REEP1: variants seen among roughly 807,000 people sequenced by gnomAD.
REEP1 encodes receptor accessory protein 1.
Under a neutral mutation model 40.3 loss-of-function variants are expected in REEP1, and 22 were observed. The observed-to-expected ratio is 0.55, with a 90% CI of 0.39 to 0.78. The LOEUF (loss-of-function observed/expected upper bound fraction) is 0.78. Ranked by LOEUF, REEP1 falls within the 30% of genes least tolerant of loss-of-function variation. The probability of loss-of-function intolerance (pLI) is 0.00; values close to 1 mark genes in which losing one functional copy is unlikely to be tolerated. For synonymous variants in REEP1, 116 were observed against 139.2 expected (o/e 0.83, Z 1.17); for missense variants, 280 against 361.1 (o/e 0.78, Z 1.82).
intron 3 of REEP1, among the ~76,000 whole-genome samples, chr2:86,262,770 C>T (rs756435178): frequency 1.1e-4 from 16 of 152,200 alleles, no homozygotes; most frequent in Non-Finnish European, 1.8e-4. Flanking sequence ...CCCATGATCC[C>T]AAGTCGTAGA....
intron 2 of REEP1, among the ~76,000 whole-genome samples, chr2:86,278,404 CTT>C (rs1677883361): frequency 6.6e-6 from 1 of 152,176 alleles, no homozygotes; most frequent in Non-Finnish European, 1.5e-5. Context: ...GAGGAGAAGA[CTT>C]TGCCCAGGGA....
chr2:86,337,224 G>T lies in REEP1; in HGVS notation c.32+255C>A. 1 of 219,602 alleles carries T rather than the reference G, an allele frequency of 4.6e-6. No individual in the cohort carries two copies. The highest frequency in any genetic ancestry group is 8.9e-6 in the Non-Finnish European group (1 of 112,750). The allele number at this position is 219,602 out of a possible 1,614,324, so 13.6% of individuals were successfully genotyped here. Reference sequence around the variant, plus strand: ...CGCAGCCCCCACGGAACCCCCGAGCGCCCCAGCCCTCGCCGTCCCGGCCCA... The same window carrying T: ...CGCAGCCCCCACGGAACCCCCGAGCTCCCCAGCCCTCGCCGTCCCGGCCCA... On this transcript the variant is annotated intron_variant, in intron 1 of 8. Coordinates refer to ENST00000538924, the MANE Select transcript of REEP1 (RefSeq NM_001371279.1). This position sits in a 1 kb window ranked among gnomAD's most constrained non-coding sequence, Gnocchi z 5.8.
At chr2:86,244,754 GAGGGTTAACAA>G (rs901724009) in intron 5 of REEP1, among the ~76,000 whole-genome samples, 2 of 152,234 alleles carry the variant, frequency 1.3e-5, no homozygotes, top group Admixed American at 6.5e-5. Flanking sequence ...GAGAACCCTG[GAGGGTTAACAA>G]AGGGCTTGGG....
At chr2:86,264,591 C>T (rs900446910) in intron 2 of REEP1, among the ~76,000 whole-genome samples, 1 of 152,106 alleles carries the variant, frequency 6.6e-6, no homozygotes, top group African/African-American at 2.4e-5. Flanking sequence ...AATACCAAGC[C>T]ACCCCTGTAC....
intron 1 of REEP1, among the ~76,000 whole-genome samples, chr2:86,329,812 C>T (rs1321019341): frequency 6.6e-6 from 1 of 152,202 alleles, no homozygotes; most frequent in Non-Finnish European, 1.5e-5. Flanking sequence ...TGGGCACCTA[C>T]TGCATATGAG....
At chr2:86,252,959 G>A (rs1574037166) in intron 4 of REEP1, among the ~76,000 whole-genome samples, 1 of 152,304 alleles carries the variant, frequency 6.6e-6, no homozygotes, top group East Asian at 1.9e-4. Context: ...GTTTGGGAGT[G>A]TTTTGTTGTT....
At chr2:86,253,088 C>A (rs1295966016) in intron 4 of REEP1, among the ~76,000 whole-genome samples, 1 of 152,170 alleles carries the variant, frequency 6.6e-6, no homozygotes, top group Non-Finnish European at 1.5e-5. Flanking sequence ...TCGAGACCAG[C>A]CTGGCCAACA....
chr2:86,218,259 G>A (rs536548706), intron 8 of REEP1, among the ~76,000 whole-genome samples: 13 of 152,270 alleles, frequency 8.5e-5, no homozygotes, highest in African/African-American at 2.9e-4. Flanking sequence ...CCCAGCAGAG[G>A]ACTTTGCACC....
intron 5 of REEP1, among the ~76,000 whole-genome samples, chr2:86,236,252 G>A (rs755626725): frequency 6.7e-6 from 1 of 150,168 alleles, no homozygotes; most frequent in Non-Finnish European, 1.5e-5. Flanking sequence ...TCTCTCTTTT[G>A]TAAACCTTTC....
At chr2:86,314,259 A>C (rs1679891743) in intron 1 of REEP1, among the ~76,000 whole-genome samples, 1 of 152,182 alleles carries the variant, frequency 6.6e-6, no homozygotes, top group Non-Finnish European at 1.5e-5. Context: ...AGCAGCTTGG[A>C]TGCCTGGCTG....
chr2:86,226,463 CT>C (rs199717514), intron 7 of REEP1, among the ~76,000 whole-genome samples: 1 of 28,958 alleles, frequency 3.5e-5, no homozygotes, highest in Non-Finnish European at 1.2e-4. Context: ...GTGGCTTTTT[CT>C]TTTCTTTTTT....
chr2:86,303,039 A>T (rs1004807239), intron 1 of REEP1, among the ~76,000 whole-genome samples: 2 of 151,952 alleles, frequency 1.3e-5, no homozygotes, highest in African/African-American at 4.8e-5. Context: ...ATTGCTTTTT[A>T]AAAAAATATT....
chr2:86,252,086 C>T lies in REEP1; in HGVS notation c.304-16G>A. The stretch of plus-strand genomic sequence containing the variant: ...CATCGATTTCCTGTCAAAGGAAAAA[C>T]AGAGGCACACTGAGCTGGAAGGTTC... On this transcript the variant is annotated splice_polypyrimidine_tract_variant and intron_variant, in intron 4 of 8. Coordinates refer to ENST00000538924, the MANE Select transcript of REEP1 (RefSeq NM_001371279.1). 1 of 1,530,118 alleles carries T rather than the reference C, an allele frequency of 6.5e-7. No homozygotes were observed. The highest frequency in any genetic ancestry group is 9.1e-7 in the Non-Finnish European group (1 of 1,103,460). 94.8% of individuals were successfully genotyped at this position (1,530,118 alleles called of 1,614,324 possible).
intron 1 of REEP1, among the ~76,000 whole-genome samples, chr2:86,330,207 T>A (rs1680701554): frequency 6.6e-6 from 1 of 152,198 alleles, no homozygotes; most frequent in Non-Finnish European, 1.5e-5. Flanking sequence ...TACCATATTA[T>A]GCCAAGGACA....
intron 2 of REEP1, among the ~76,000 whole-genome samples, chr2:86,277,913 A>C (rs1457790148): frequency 2.0e-5 from 3 of 152,228 alleles, no homozygotes; most frequent in Non-Finnish European, 4.4e-5. Flanking sequence ...ACAGAGGTGC[A>C]AATAAATTTT....
intron 2 of REEP1, among the ~76,000 whole-genome samples, chr2:86,267,539 A>G (rs1232867349): frequency 6.6e-6 from 1 of 152,190 alleles, no homozygotes; most frequent in Non-Finnish European, 1.5e-5. Context: ...AAAAGTAGCC[A>G]GGCATGGTGT....
At chr2:86,266,077 G>C (rs1399185494) in intron 2 of REEP1, among the ~76,000 whole-genome samples, 3 of 152,192 alleles carry the variant, frequency 2.0e-5, no homozygotes, top group African/African-American at 4.8e-5. Flanking sequence ...TTGGTCAATA[G>C]AAACAGATCC....
chr2:86,325,247 T>TA (rs1195234205), intron 1 of REEP1, among the ~76,000 whole-genome samples: 1 of 152,172 alleles, frequency 6.6e-6, no homozygotes, highest in Non-Finnish European at 1.5e-5. Flanking sequence ...GATCCTGTCT[T>TA]TTAAAAAAAA....
chr2:86,331,557 T>TA (rs1680764229), intron 1 of REEP1, among the ~76,000 whole-genome samples: 1 of 150,696 alleles, frequency 6.6e-6, no homozygotes, highest in Non-Finnish European at 1.5e-5. Context: ...GTAGTATAGA[T>TA]ACGCAGGATA....
Sources: gnomAD v4.1 joint callset for allele counts (sites outside exome capture counted in the v4.1 genomes callset) on GRCh38, gnomAD v4.1.1 for gene constraint, Gnocchi (gnomAD v3.1) non-coding constraint, MANE v1.5 for transcripts, NCBI Gene and HGNC (gene_info 2026-07-23, HGNC 2026-07-21) for gene names.